C1orf21: variants seen among roughly 807,000 people sequenced by gnomAD.
The protein encoded by C1orf21 is uncharacterized protein C1orf21.
C1orf21 carries 3 observed loss-of-function variants against 18.7 expected under a neutral mutation model. The observed-to-expected ratio is 0.16, with a 90% CI of 0.07 to 0.42. The LOEUF (loss-of-function observed/expected upper bound fraction) is 0.42, where lower values mean the gene tolerates loss of function less well. Among genes scored for constraint, C1orf21 ranks in the 10% least tolerant of loss-of-function variants. The probability of loss-of-function intolerance (pLI) is 0.99; values close to 1 mark genes in which losing one functional copy is unlikely to be tolerated. For missense variants in C1orf21, 104 were observed against 143.6 expected (o/e 0.72, Z 1.41); for synonymous variants, 41 against 46.4 (o/e 0.88, Z 0.47).
At chr1:184,399,347 T>G (rs1016224984) in intron 1 of C1orf21, among the ~76,000 whole-genome samples, 4 of 146,680 alleles carry the variant, frequency 2.7e-5, no homozygotes, top group African/African-American at 1.0e-4. Context: ...GGAAGTGTTA[T>G]GTACTTCTAT....
chr1:184,608,989 C>A (rs1408193109), intron 5 of C1orf21, among the ~76,000 whole-genome samples: 1 of 152,188 alleles, frequency 6.6e-6, no homozygotes, highest in Non-Finnish European at 1.5e-5. Context: ...TAGCTGAAGT[C>A]TTCTTCCTGG....
At chr1:184,403,625 G>A (rs1260380259) in intron 1 of C1orf21, among the ~76,000 whole-genome samples, 1 of 152,112 alleles carries the variant, frequency 6.6e-6, no homozygotes, top group Non-Finnish European at 1.5e-5. Flanking sequence ...TAACAAAAGA[G>A]AAACAAAACA....
chr1:184,582,669 G>A (rs897825386), intron 3 of C1orf21, among the ~76,000 whole-genome samples: 2 of 152,218 alleles, frequency 1.3e-5, no homozygotes, highest in African/African-American at 4.8e-5. Context: ...GAACCTTACA[G>A]GGCAACAGCT....
At chr1:184,422,429 A>G (rs566923945) in intron 1 of C1orf21, among the ~76,000 whole-genome samples, 162 of 152,312 alleles carry the variant, frequency 1.1e-3, no homozygotes, top group Middle Eastern at 6.8e-3. Flanking sequence ...AATCATAACA[A>G]CATCCCTAAT....
intron 3 of C1orf21, among the ~76,000 whole-genome samples, chr1:184,542,150 C>T (rs920437831): frequency 1.3e-5 from 2 of 152,170 alleles, no homozygotes; most frequent in African/African-American, 4.8e-5. Context: ...AATATTTGAG[C>T]AGAAACCCCA....
intron 3 of C1orf21, among the ~76,000 whole-genome samples, chr1:184,528,713 C>T (rs1571400127): frequency 6.6e-6 from 1 of 152,110 alleles, no homozygotes; most frequent in East Asian, 1.9e-4. Context: ...CCAAATTGAG[C>T]ATTATATCAT....
chr1:184,562,570 A>G (rs780906987), intron 3 of C1orf21, among the ~76,000 whole-genome samples: 5 of 152,266 alleles, frequency 3.3e-5, no homozygotes, highest in Non-Finnish European at 5.9e-5. Flanking sequence ...GAAGCAATGT[A>G]TGAAGCATCG....
At chr1:184,483,701 C>T (rs572610900) in intron 2 of C1orf21, among the ~76,000 whole-genome samples, 16 of 152,250 alleles carry the variant, frequency 1.1e-4, no homozygotes, top group African/African-American at 3.9e-4. Context: ...TCCTTTATTG[C>T]TTGTTTGTTC....
intron 1 of C1orf21, among the ~76,000 whole-genome samples, chr1:184,464,717 A>T (rs963072477): frequency 1.5e-4 from 23 of 152,228 alleles, no homozygotes; most frequent in African/African-American, 4.8e-4. Context: ...TTCCTCCTGG[A>T]AAAATATAGC....
At chr1:184,559,629 T>TCC (rs1658934704) in intron 3 of C1orf21, among the ~76,000 whole-genome samples, 1 of 111,976 alleles carries the variant, frequency 8.9e-6, no homozygotes, top group African/African-American at 3.0e-5. Context: ...CTCCCTCCCT[T>TCC]ACTTTCTTTC....
intron 3 of C1orf21, among the ~76,000 whole-genome samples, chr1:184,588,424 T>C (rs979272188): frequency 4.6e-5 from 7 of 152,146 alleles, no homozygotes; most frequent in African/African-American, 1.4e-4. Context: ...AGATTATAGG[T>C]AAAAGGGTCT....
intron 5 of C1orf21, among the ~76,000 whole-genome samples, chr1:184,606,274 C>T (rs1490533728): frequency 1.3e-5 from 2 of 152,114 alleles, no homozygotes; most frequent in Non-Finnish European, 2.9e-5. Context: ...CTTTTATAAG[C>T]CTTTTAAAAG....
rs367978254 is a variant in C1orf21, at chr1:184,474,883, C to T, written c.-124-2503C>T. ...ATGTCTGGGAGCCCACGCCTGTTAC[C>T]TTACGTGATAATGCTGGGGATGAGG... On this transcript the variant is annotated intron_variant, in intron 1 of 5. Coordinates refer to ENST00000235307, the MANE Select transcript of C1orf21 (RefSeq NM_030806.4). Among the ~76,000 whole-genome samples, 29 of 152,216 alleles carry T rather than the reference C, an allele frequency of 1.9e-4. No homozygotes were observed. The East Asian group carries it at 5.0e-3, about 26-fold the overall frequency.
At position 184,394,506 on chromosome 1, in the gene C1orf21, TATC is replaced by T. The variant is rs1656020176; in HGVS notation, c.-125+7141_-125+7143del. Among the ~76,000 whole-genome samples the T allele has an allele frequency of 6.6e-5, 10 of 152,334 alleles. No homozygotes were observed. In the South Asian group the frequency reaches 2.1e-3, roughly 32 times the overall value. ...CTCAACAAACCATGACATGCATGCA[TATC>T]ATAGCCATTCCTAAAAGCTTCTTCC... On this transcript the variant is annotated intron_variant, in intron 1 of 5. Transcript: ENST00000235307.
At chr1:184,570,619 C>T (rs1402501413) in intron 3 of C1orf21, among the ~76,000 whole-genome samples, 2 of 152,144 alleles carry the variant, frequency 1.3e-5, no homozygotes, top group Admixed American at 1.3e-4. Context: ...TGCTTAGACA[C>T]ATTTTTAAAG....
intron 1 of C1orf21, among the ~76,000 whole-genome samples, chr1:184,451,706 C>T (rs1657126039): frequency 6.6e-6 from 1 of 152,098 alleles, no homozygotes; most frequent in African/African-American, 2.4e-5. Context: ...AAGACTTAGG[C>T]ATGGTTGCCT....
rs137898505 is a variant in C1orf21 at position 184,432,987 on chromosome 1, A to G, written c.-124-44399A>G. Among the ~76,000 whole-genome samples, 567 of 152,364 alleles carry G rather than the reference A, an allele frequency of 3.7e-3. 10 individuals are homozygous for G. The highest frequency in any genetic ancestry group is 0.031 in the Admixed American group (481 of 15,302). ...GACACCAAAATTCAAGATCAGTGGT[A>G]TCCAAGTCAGACCCAAGAGGTACAT... On this transcript the variant is annotated intron_variant, in intron 1 of 5. Coordinates refer to ENST00000235307, the MANE Select transcript of C1orf21 (RefSeq NM_030806.4).
intron 1 of C1orf21, among the ~76,000 whole-genome samples, chr1:184,393,619 C>T (rs1349145724): frequency 6.6e-6 from 1 of 152,186 alleles, no homozygotes. Context: ...GAGTACTTTG[C>T]TTCTTCACTT....
chr1:184,441,449 C>T (rs1656944136), intron 1 of C1orf21, among the ~76,000 whole-genome samples: 1 of 152,188 alleles, frequency 6.6e-6, no homozygotes, highest in Non-Finnish European at 1.5e-5. Flanking sequence ...AATTTATTCA[C>T]TAGTTTGTTA....
Sources: gnomAD v4.1 joint callset for allele counts (sites outside exome capture counted in the v4.1 genomes callset) on GRCh38, gnomAD v4.1.1 for gene constraint, MANE v1.5 for transcripts, NCBI Gene and HGNC (gene_info 2026-07-23, HGNC 2026-07-21) for gene names.